Variants in USP3 observed in about 807,000 individuals in gnomAD.
USP3 encodes ubiquitin specific peptidase 3.
A neutral mutation model predicts 72.3 loss-of-function variants in USP3; 20 were observed. The observed-to-expected ratio is 0.28, with a 90% CI of 0.19 to 0.40. The LOEUF (loss-of-function observed/expected upper bound fraction) is 0.40, where lower values mean the gene tolerates loss of function less well. USP3 is among the 10% of genes least tolerant of loss of function. The pLI is 1.00. For missense variants in USP3, 479 were observed against 633.9 expected (o/e 0.76, Z 2.62); for synonymous variants, 222 against 225.3 (o/e 0.99, Z 0.13).
At chr15:63,587,563 A>C (rs190436606) in intron 11 of USP3, 1 of 152,372 alleles carries the variant, frequency 6.6e-6, no homozygotes, top group East Asian at 1.9e-4. Flanking sequence ...GCTTCACATA[A>C]GGTCACAATT....
chr15:63,581,768 C>T (rs1255027370), intron 11 of USP3, among the ~76,000 whole-genome samples: 1 of 151,628 alleles, frequency 6.6e-6, no homozygotes, highest in Admixed American at 6.6e-5. Context: ...GATCATGGCT[C>T]ACTGCAGCTT....
chr15:63,505,875 G>T (rs1180277727), intron 1 of USP3, among the ~76,000 whole-genome samples: 1 of 152,126 alleles, frequency 6.6e-6, no homozygotes, highest in African/African-American at 2.4e-5. Flanking sequence ...ATAGAAAAAC[G>T]GCAATGGTAT....
chr15:63,582,762 TGGAGA>T (rs2066985957), intron 11 of USP3, among the ~76,000 whole-genome samples: 2 of 152,088 alleles, frequency 1.3e-5, no homozygotes, highest in Admixed American at 1.3e-4. Flanking sequence ...TCCTTTGCAT[TGGAGA>T]GAAGATGAGG....
intron 4 of USP3, among the ~76,000 whole-genome samples, chr15:63,555,969 TTTAGA>T (rs1408060945): frequency 6.6e-6 from 1 of 152,224 alleles, no homozygotes. Flanking sequence ...TTTTACTTCC[TTTAGA>T]TTAATTTGCC....
In USP3 at chr15:63,544,667, G is replaced by A. The variant is rs1413477069; in HGVS notation, c.284+7511G>A. The A allele has an allele frequency of 6.7e-5, 47 of 700,522 alleles. No individual in the cohort carries two copies. Among genetic ancestry groups the A allele is most frequent in the Non-Finnish European group, 9.9e-5 (38 of 384,016 alleles). The allele number at this position is 700,522 out of a possible 1,614,324, so 43.4% of individuals were successfully genotyped here. On this transcript the variant is annotated intron_variant, in intron 3 of 14. Coordinates refer to ENST00000380324, the MANE Select transcript of USP3 (RefSeq NM_006537.4). The surrounding 1 kb of genome is among the most constrained non-coding windows in gnomAD (Gnocchi z 4.2). ...GAAGAATGTAAAGATGGAGATGACC[G>A]AATGAGGAATATTGTTTTGCCATTA...
At position 63,574,381 on chromosome 15, in the gene USP3, T is replaced by C. The variant is rs765731487; in HGVS notation, c.1074T>C (p.Asn358=). The C allele has an allele frequency of 1.9e-6, 3 of 1,605,374 alleles. No individual in the cohort carries two copies. In the Admixed American group the frequency reaches 5.1e-5, roughly 27 times the overall value. Residue 358 remains asparagine, a synonymous_variant, in exon 11 of 15, where the codon AAT becomes AAC. Coordinates refer to ENST00000380324, the MANE Select transcript of USP3 (RefSeq NM_006537.4). This position sits in a 1 kb window ranked among gnomAD's most constrained non-coding sequence, Gnocchi z 4.6. ...FRSKRSKNQE[N]GPVCSLRDCL... is the part of the protein sequence containing the mutation. ...GTAAGCGCTCTAAGAATCAAGAAAA[T>C]GGACCAGTTTGTTCGTTACGAGGTA...
chr15:63,567,610 T>C lies in USP3; in HGVS notation c.762-2823T>C, dbSNP rs563486155. 1.7e-4 allele frequency among the ~76,000 whole-genome samples: 26 copies of C among 152,132 alleles called. No homozygotes were observed. In the East Asian group the frequency reaches 5.1e-3, roughly 30 times the overall value. On this transcript the variant is annotated intron_variant, in intron 8 of 14. Coordinates refer to ENST00000380324, the MANE Select transcript of USP3 (RefSeq NM_006537.4). Reference sequence around the variant, plus strand: ...ATCTGCCTGCCTCAGCCTCCCAAAGTGCTGGGATTACAGGCGTGAGCCACC... The same window carrying C: ...ATCTGCCTGCCTCAGCCTCCCAAAGCGCTGGGATTACAGGCGTGAGCCACC...
intron 14 of USP3, among the ~76,000 whole-genome samples, chr15:63,589,919 A>G (rs2067155793): frequency 6.7e-6 from 1 of 149,200 alleles, no homozygotes; most frequent in African/African-American, 2.6e-5. Context: ...TTTTCTGACA[A>G]CTTTTTCGTA....
intron 3 of USP3, among the ~76,000 whole-genome samples, chr15:63,547,244 A>T (rs750367497): frequency 2.9e-4 from 44 of 152,206 alleles, no homozygotes; most frequent in Non-Finnish European, 5.4e-4. Context: ...AACAACAATC[A>T]TAGTAATATA....
intron 3 of USP3, among the ~76,000 whole-genome samples, chr15:63,546,007 A>ATCTT (rs1000501232): frequency 6.8e-6 from 1 of 147,016 alleles, no homozygotes; most frequent in African/African-American, 2.5e-5. Flanking sequence ...AGTAGAGCTC[A>ATCTT]TCTTTTCTTG....
At position 63,592,254 on chromosome 15, in the gene USP3, G is replaced by T. The variant is rs2067216371; in HGVS notation, c.*1428G>T. On this transcript the variant is annotated 3_prime_UTR_variant, in exon 15 of 15. Transcript: ENST00000380324. ...TTTTAAAAAACAGATTTAACTCAAA[G>T]ATTCAAATTTGGAACCAGAATCCCA... The T allele has an allele frequency of 6.6e-6, 1 of 151,710 alleles. No individual in the cohort carries two copies. Among genetic ancestry groups the T allele is most frequent in the East Asian group, 2.0e-4 (1 of 5,128 alleles). 9.4% of individuals were successfully genotyped at this position (151,710 alleles called of 1,614,324 possible). A position where few individuals can be genotyped will look rare whatever the true frequency, so the allele number is the denominator to read the frequency against.
chr15:63,591,345 A>G lies in USP3; in HGVS notation c.*519A>G, dbSNP rs181290084. On this transcript the variant is annotated 3_prime_UTR_variant, in exon 15 of 15. Coordinates refer to ENST00000380324, the MANE Select transcript of USP3 (RefSeq NM_006537.4). ...GAATCATTCTTTTTGCCTGTAAAATATAACAAAGGGCATCATTAAGTAGAC... is the reference window on the plus strand; with the variant it reads ...GAATCATTCTTTTTGCCTGTAAAATGTAACAAAGGGCATCATTAAGTAGAC... 3 of 152,660 alleles carry G rather than the reference A, an allele frequency of 2.0e-5. No homozygotes were observed. Among genetic ancestry groups the G allele is most frequent in the Non-Finnish European group, 4.4e-5 (3 of 68,306 alleles). The allele number at this position is 152,660 out of a possible 1,614,324, so 9.5% of individuals were successfully genotyped here. A position where few individuals can be genotyped will look rare whatever the true frequency, so the allele number is the denominator to read the frequency against.
chr15:63,569,005 G>A (rs74018122), intron 8 of USP3, among the ~76,000 whole-genome samples: 1,694 of 152,298 alleles, frequency 0.011, 29 homozygotes, highest in African/African-American at 0.039. Context: ...GGATGGGCTT[G>A]TGTTGACTTG....
Position 63,590,837 on chromosome 15 carries a change from A to AAATC in USP3, c.*13_*16dup. ...TCGGATAAACTTTAATACCTCCTCC[A>AAATC]AATCATCATTCACCAACCATACCAG... On this transcript the variant is annotated 3_prime_UTR_variant, in exon 15 of 15. Coordinates refer to ENST00000380324, the MANE Select transcript of USP3 (RefSeq NM_006537.4). The AAATC allele has an allele frequency of 6.2e-7, 1 of 1,602,386 alleles. No homozygotes were observed. The highest frequency in any genetic ancestry group is 1.8e-4 in the Middle Eastern group (1 of 5,466).
At chr15:63,549,329 C>T (rs185723289) in intron 3 of USP3, among the ~76,000 whole-genome samples, 290 of 152,264 alleles carry the variant, frequency 1.9e-3, no homozygotes, top group African/African-American at 6.8e-3. Flanking sequence ...CAGTTTTTCT[C>T]CAGTATTTGT....
At chr15:63,510,078 A>G (rs893908626) in intron 1 of USP3, among the ~76,000 whole-genome samples, 2 of 152,210 alleles carry the variant, frequency 1.3e-5, no homozygotes, top group Non-Finnish European at 2.9e-5. Context: ...AGGCTCGTGT[A>G]ACAGCCTCCT....
intron 1 of USP3, among the ~76,000 whole-genome samples, chr15:63,526,199 C>T (rs1484768170): frequency 6.6e-6 from 1 of 152,042 alleles, no homozygotes; most frequent in Non-Finnish European, 1.5e-5. Flanking sequence ...ATTTATATGC[C>T]GGTATGTAGT....
At chr15:63,536,966 C>T (rs1484330370) in intron 2 of USP3, 59 bp from the exon 3 acceptor site, 4 of 1,518,586 alleles carry the variant, frequency 2.6e-6, no homozygotes, top group Admixed American at 2.0e-5. Context: ...TTCATCATTT[C>T]CTACTCCTTT....
intron 1 of USP3, among the ~76,000 whole-genome samples, chr15:63,510,978 G>A (rs747709974): frequency 9.9e-5 from 15 of 151,990 alleles, no homozygotes; most frequent in Non-Finnish European, 1.6e-4. Flanking sequence ...CTTTTTAACT[G>A]CTGTGAGTCT....
Sources: allele counts gnomAD v4.1 joint callset (sites outside exome capture counted in the v4.1 genomes callset), GRCh38; gene constraint gnomAD v4.1.1; non-coding constraint Gnocchi (gnomAD v3.1); transcripts MANE v1.5; gene names NCBI Gene and HGNC (gene_info 2026-07-23, HGNC 2026-07-21).